The following CSGALNACT1 variants were observed in gnomAD, a reference collection of about 807,000 sequenced individuals.
CSGALNACT1 encodes the protein chondroitin sulfate N-acetylgalactosaminyltransferase 1.
CSGALNACT1 carries 52 observed loss-of-function variants against 51.0 expected under a neutral mutation model. That is an observed-to-expected ratio of 1.02 (90% CI 0.82 to 1.29). The LOEUF (loss-of-function observed/expected upper bound fraction) is 1.29, where lower values mean the gene tolerates loss of function less well. CSGALNACT1 is among the 50% of genes most tolerant of loss of function. The pLI is 0.00. For synonymous variants in CSGALNACT1, 341 were observed against 254.4 expected, an observed-to-expected ratio of 1.34 and a Z score of -3.24; for missense variants, 935 against 679.2, an observed-to-expected ratio of 1.38 and a Z score of -4.19.
At chr8:19,589,298 C>T (rs757629963) in intron 3 of CSGALNACT1, among the ~76,000 whole-genome samples, 27 of 152,148 alleles carry the variant, frequency 1.8e-4, no homozygotes, top group Non-Finnish European at 5.9e-5. Context: ...AATTTTTCAA[C>T]ATGTCCCCCA....
At chr8:19,576,447 C>A (rs1384074774) in intron 3 of CSGALNACT1, among the ~76,000 whole-genome samples, 2 of 152,058 alleles carry the variant, frequency 1.3e-5, no homozygotes, top group Non-Finnish European at 2.9e-5. Context: ...GTCGCCTCAG[C>A]CTCTCAGAGT....
At chr8:19,518,019 T>C (rs1231056361) in intron 3 of CSGALNACT1, among the ~76,000 whole-genome samples, 2 of 152,146 alleles carry the variant, frequency 1.3e-5, no homozygotes, top group African/African-American at 4.8e-5. Context: ...CTCAGGAAAG[T>C]AAGCACCTGG....
chr8:19,659,058 G>A (rs2058543156), intron 1 of CSGALNACT1, among the ~76,000 whole-genome samples: 1 of 151,978 alleles, frequency 6.6e-6, no homozygotes, highest in South Asian at 2.1e-4. Flanking sequence ...AAAAGGCAGG[G>A]CTCCCCCCAA....
At chr8:19,534,775 G>A (rs1223324979) in intron 3 of CSGALNACT1, among the ~76,000 whole-genome samples, 1 of 152,186 alleles carries the variant, frequency 6.6e-6, no homozygotes, top group Non-Finnish European at 1.5e-5. Flanking sequence ...ATGCCTAGAA[G>A]AAATAAAATA....
At chr8:19,567,750 A>C (rs2042184692) in intron 3 of CSGALNACT1, among the ~76,000 whole-genome samples, 2 of 152,206 alleles carry the variant, frequency 1.3e-5, no homozygotes, top group Admixed American at 1.3e-4. Context: ...TCCAAAATCC[A>C]AATGAAAACA....
At chr8:19,471,228 C>T (rs1055321567) in intron 4 of CSGALNACT1, among the ~76,000 whole-genome samples, 12 of 152,324 alleles carry the variant, frequency 7.9e-5, no homozygotes, top group Non-Finnish European at 1.8e-4. Flanking sequence ...ACTCACTAAA[C>T]GCACTGCGCT....
At chr8:19,408,468 C>CCTTTT in intron 9 of CSGALNACT1, 145 bp downstream of exon 8, 1 of 468,334 alleles carries the variant, frequency 2.1e-6, no homozygotes, top group African/African-American at 3.6e-5. Context: ...TCTGGAATAG[C>CCTTTT]TTTTTTTTTT....
intron 5 of CSGALNACT1, among the ~76,000 whole-genome samples, chr8:19,447,860 A>G (rs1046525192): frequency 6.6e-6 from 1 of 152,188 alleles, no homozygotes; most frequent in Non-Finnish European, 1.5e-5. Context: ...GCTACAAAAA[A>G]CGTGAGGCTT....
chr8:19,443,750 T>G (rs1167354164), intron 5 of CSGALNACT1, among the ~76,000 whole-genome samples: 1 of 152,136 alleles, frequency 6.6e-6, no homozygotes, highest in Non-Finnish European at 1.5e-5. Context: ...CATATTACTA[T>G]CCATGAGGGA....
intron 1 of CSGALNACT1, among the ~76,000 whole-genome samples, chr8:19,658,491 T>C (rs2154188860): frequency 6.6e-6 from 1 of 152,332 alleles, no homozygotes; most frequent in African/African-American, 2.4e-5. Context: ...CCCAGCACTC[T>C]GGCAGGCCAA....
chr8:19,408,468 CTTTTTTTTTTTTTTTTTT>C (rs1186216767), intron 9 of CSGALNACT1, 127 bp downstream of exon 8: 2 of 468,334 alleles, frequency 4.3e-6, no homozygotes, highest in South Asian at 2.0e-5. Context: ...TCTGGAATAG[CTTTTTTTTTTTTTTTTTT>C]TTTTTTTTTT....
At chr8:19,707,729 G>C (rs2154228682) in intron 1 of CSGALNACT1, among the ~76,000 whole-genome samples, 1 of 152,254 alleles carries the variant, frequency 6.6e-6, no homozygotes, top group South Asian at 2.1e-4. Flanking sequence ...GGCCGGGTGT[G>C]GTGGCTCACA....
At chr8:19,492,539 GC>G (rs1587134691) in intron 4 of CSGALNACT1, among the ~76,000 whole-genome samples, 1 of 152,178 alleles carries the variant, frequency 6.6e-6, no homozygotes, top group East Asian at 1.9e-4. Context: ...CCCTGCTGGA[GC>G]TAGCCTGCCA....
intron 7 of CSGALNACT1, among the ~76,000 whole-genome samples, chr8:19,419,590 C>T (rs568681127): frequency 6.6e-6 from 1 of 152,310 alleles, no homozygotes; most frequent in African/African-American, 2.4e-5. Context: ...ACTGTGGGTT[C>T]TTTGTGCGAA....
chr8:19,702,561 C>T (rs1013508711), intron 1 of CSGALNACT1, among the ~76,000 whole-genome samples: 3 of 152,128 alleles, frequency 2.0e-5, no homozygotes, highest in African/African-American at 7.2e-5. Flanking sequence ...CCTGCATCTG[C>T]TCCCAGCCCT....
chr8:19,719,086 T>C (rs1006035187), intron 1 of CSGALNACT1, among the ~76,000 whole-genome samples: 6 of 152,190 alleles, frequency 3.9e-5, no homozygotes, highest in Non-Finnish European at 7.3e-5. Flanking sequence ...TGTACCCTAT[T>C]TCTACGAAGT....
intron 3 of CSGALNACT1, among the ~76,000 whole-genome samples, chr8:19,570,803 A>G (rs2042865053): frequency 6.6e-6 from 1 of 152,074 alleles, no homozygotes; most frequent in African/African-American, 2.4e-5. Context: ...GGGAGGCTGA[A>G]GCACAAGAAT....
At chr8:19,412,747 C>T (rs775321467) in intron 8 of CSGALNACT1, among the ~76,000 whole-genome samples, 6 of 152,072 alleles carry the variant, frequency 3.9e-5, no homozygotes, top group Non-Finnish European at 8.8e-5. Flanking sequence ...TGTATTGGGT[C>T]ATGTCAATTA....
At chr8:19,713,767 C>G (rs1589653655) in intron 1 of CSGALNACT1, among the ~76,000 whole-genome samples, 1 of 152,172 alleles carries the variant, frequency 6.6e-6, no homozygotes, top group Non-Finnish European at 1.5e-5. Context: ...TTCCAGACAT[C>G]CAGCCTCGAG....
Sources: allele counts gnomAD v4.1 joint callset (sites outside exome capture counted in the v4.1 genomes callset), GRCh38; gene constraint gnomAD v4.1.1; transcripts MANE v1.5; gene names NCBI Gene and HGNC (gene_info 2026-07-23, HGNC 2026-07-21).